The following AREL1 variants were observed in gnomAD, a reference collection of about 807,000 sequenced individuals.
AREL1 encodes apoptosis resistant E3 ubiquitin protein ligase 1.
AREL1 carries 62 observed loss-of-function variants against 99.0 expected under a neutral mutation model. That is an observed-to-expected ratio of 0.63 (90% confidence interval 0.51 to 0.77). AREL1 has a LOEUF of 0.77. Ranked by LOEUF, AREL1 falls within the 30% of genes least tolerant of loss-of-function variation. The pLI is 0.00. For missense variants in AREL1, 879 were observed against 1,027.6 expected, an observed-to-expected ratio of 0.86 and a Z score of 1.98; for synonymous variants, 380 against 376.5, an observed-to-expected ratio of 1.01 and a Z score of -0.11.
rs1033536294 is a variant in AREL1 at position 74,662,693 on chromosome 14, G to T, written c.*1027C>A. ...GACGCCAAGGACCTGTGATAAGCAC[G>T]TAAACTCCTAGTCCCTGTTCCTTTG... On this transcript the variant is annotated 3_prime_UTR_variant, in exon 20 of 20. Coordinates refer to ENST00000356357, the MANE Select transcript of AREL1 (RefSeq NM_001039479.2). 2.5e-6 allele frequency: 1 copy of T among 398,252 alleles called. No homozygotes were observed. Among genetic ancestry groups the T allele is most frequent in the African/African-American group, 2.1e-5 (1 of 48,582 alleles). The allele number at this position is 398,252 out of a possible 1,614,324, so 24.7% of individuals were successfully genotyped here. A position where few individuals can be genotyped will look rare whatever the true frequency, so the allele number is the denominator to read the frequency against.
intron 1 of AREL1, among the ~76,000 whole-genome samples, chr14:74,698,249 A>T (rs2090012216): frequency 6.6e-6 from 1 of 152,096 alleles, no homozygotes. Flanking sequence ...ATATACTCAC[A>T]TTTTAAATGA....
intron 15 of AREL1, 126 bp from the exon 16 acceptor site, chr14:74,667,720 C>T: frequency 7.9e-7 from 1 of 1,262,884 alleles, no homozygotes; most frequent in African/African-American, 1.5e-5. Flanking sequence ...CAAGTTTCTG[C>T]TGTGCATTCA....
At chr14:74,681,842 G>A (rs1309901462) in intron 5 of AREL1, among the ~76,000 whole-genome samples, 2 of 151,120 alleles carry the variant, frequency 1.3e-5, no homozygotes, top group East Asian at 3.9e-4. Context: ...GGCAACATAA[G>A]GGATCCTTGT....
Position 74,692,317 on chromosome 14 carries a change from C to T in AREL1, c.-322G>A, listed in dbSNP as rs760732861. 4.5e-5 allele frequency: 20 copies of T among 449,176 alleles called. No homozygotes were observed. Among genetic ancestry groups the T allele is most frequent in the Middle Eastern group, 3.3e-4 (1 of 3,076 alleles). 27.8% of individuals were successfully genotyped at this position (449,176 alleles called of 1,614,324 possible). On this transcript the variant is annotated 5_prime_UTR_variant, in exon 2 of 20. Transcript: ENST00000356357. ...CAGGGTGCAATCGACTGCCAAAGGA[C>T]GCCCCAGGATCCTGTCCAAAAAAGA...
intron 1 of AREL1, among the ~76,000 whole-genome samples, chr14:74,705,043 G>GT (rs58161849): frequency 0.1 from 14,476 of 143,854 alleles, 1,145 homozygotes; most frequent in East Asian, 0.48. Flanking sequence ...GTCTTCTGTT[G>GT]TTTTTTTTTT....
At chr14:74,687,525 A>C (rs2089774670) in intron 2 of AREL1, among the ~76,000 whole-genome samples, 1 of 152,236 alleles carries the variant, frequency 6.6e-6, no homozygotes, top group Non-Finnish European at 1.5e-5. Flanking sequence ...AAACAGCATA[A>C]CAAATAGCAT....
At chr14:74,679,645 G>A (rs899762358) in intron 5 of AREL1, among the ~76,000 whole-genome samples, 5 of 151,802 alleles carry the variant, frequency 3.3e-5, no homozygotes, top group Non-Finnish European at 7.4e-5. Context: ...TGTCTAACAG[G>A]GCAAAACCCC....
In AREL1 at chr14:74,662,838, G is replaced by A. The variant is rs1437515100; in HGVS notation, c.*882C>T. The A allele has an allele frequency of 2.7e-6, 1 of 374,840 alleles. No individual in the cohort carries two copies. The highest frequency in any genetic ancestry group is 3.8e-5 in the East Asian group (1 of 26,124). The allele number at this position is 374,840 out of a possible 1,614,324, so 23.2% of individuals were successfully genotyped here. A position where few individuals can be genotyped will look rare whatever the true frequency, so the allele number is the denominator to read the frequency against. Reference sequence around the variant, plus strand: ...TCAGTAGAATGCTAAAGGATCCCCAGCTTTTAGCAGACTACATAATGGGGA... The same window carrying A: ...TCAGTAGAATGCTAAAGGATCCCCAACTTTTAGCAGACTACATAATGGGGA... On this transcript the variant is annotated 3_prime_UTR_variant, in exon 20 of 20. Transcript: ENST00000356357.
chr14:74,678,114 A>T lies in AREL1; in HGVS notation c.482-1362T>A. On this transcript the variant is annotated intron_variant, in intron 5 of 19. Coordinates refer to ENST00000356357, the MANE Select transcript of AREL1 (RefSeq NM_001039479.2). The stretch of plus-strand genomic sequence containing the variant: ...TAAGATTATTCTAAAATTTAAATGG[A>T]AAGGCAAAGGAACTAGAATACTAAA... 7.1e-6 allele frequency: 3 copies of T among 424,206 alleles called. No individual in the cohort carries two copies. In the Admixed American group the frequency reaches 9.2e-5, roughly 13 times the overall value. 26.3% of individuals were successfully genotyped at this position (424,206 alleles called of 1,614,324 possible).
chr14:74,677,573 CTCGGCTCACTGCAACCTCTGCCTG>C lies in AREL1; in HGVS notation c.482-845_482-822del, dbSNP rs2089520027. ...CCAAGCTGGAATGCAGTGGCACGAT[CTCGGCTCACTGCAACCTCTGCCTG>C]TCGGGTTCAAGCGATTCTCCTGCCT... On this transcript the variant is annotated intron_variant, in intron 5 of 19. Coordinates refer to ENST00000356357, the MANE Select transcript of AREL1 (RefSeq NM_001039479.2). Among the ~76,000 whole-genome samples, 5 of 128,538 alleles carry C rather than the reference CTCGGCTCACTGCAACCTCTGCCTG, an allele frequency of 3.9e-5. No homozygotes were observed. The South Asian group carries it at 1.3e-3, about 34-fold the overall frequency. The allele number at this position is 128,538 out of a possible 152,430, so 84.3% of individuals were successfully genotyped here.
intron 1 of AREL1, among the ~76,000 whole-genome samples, chr14:74,711,005 G>A (rs1402266831): frequency 6.6e-6 from 1 of 152,142 alleles, no homozygotes; most frequent in African/African-American, 2.4e-5. Context: ...GCCAAGGTGG[G>A]CGGATCACCT....
intron 13 of AREL1, 89 bp from the exon 14 acceptor site, chr14:74,670,215 A>C: frequency 7.4e-7 from 1 of 1,350,230 alleles, no homozygotes; most frequent in Non-Finnish European, 1.0e-6. Context: ...CCCATGCCAA[A>C]GGAACAAGAT....
intron 13 of AREL1, 41 bp from the exon 14 acceptor site, chr14:74,670,167 T>C (rs372197341): frequency 2.0e-6 from 3 of 1,536,938 alleles, no homozygotes; most frequent in African/African-American, 1.4e-5. Flanking sequence ...GCCATTTTTC[T>C]TCAAGCCCAG....
At chr14:74,692,863 C>A (rs570637087) in intron 1 of AREL1, among the ~76,000 whole-genome samples, 1 of 152,196 alleles carries the variant, frequency 6.6e-6, no homozygotes, top group South Asian at 2.1e-4. Flanking sequence ...ACTACCACAC[C>A]TGGCTAATTT....
chr14:74,710,969 C>A (rs938703380), intron 1 of AREL1, among the ~76,000 whole-genome samples: 3 of 152,174 alleles, frequency 2.0e-5, no homozygotes, highest in African/African-American at 7.2e-5. Flanking sequence ...CGGTGGCTCA[C>A]GCCTGTAATC....
intron 14 of AREL1, 62 bp downstream of exon 14, chr14:74,669,885 A>C (rs2089292400): frequency 6.3e-7 from 1 of 1,581,538 alleles, no homozygotes; most frequent in Non-Finnish European, 8.6e-7. Context: ...CAAGCCCAGG[A>C]GGAGAGATTT....
At chr14:74,686,564 T>A (rs189116817) in intron 2 of AREL1, among the ~76,000 whole-genome samples, 1 of 152,372 alleles carries the variant, frequency 6.6e-6, no homozygotes, top group East Asian at 1.9e-4. Context: ...GCTGTCAATG[T>A]TATCTTGACC....
intron 1 of AREL1, among the ~76,000 whole-genome samples, chr14:74,698,243 A>G (rs2090012178): frequency 1.3e-5 from 2 of 152,040 alleles, no homozygotes; most frequent in Non-Finnish European, 2.9e-5. Context: ...CATACCATAT[A>G]CTCACATTTT....
At chr14:74,693,571 C>G (rs1053718336) in intron 1 of AREL1, among the ~76,000 whole-genome samples, 1 of 152,166 alleles carries the variant, frequency 6.6e-6, no homozygotes, top group Admixed American at 6.5e-5. Flanking sequence ...CACATAAACT[C>G]ACAGATACAA....
Sources: allele counts gnomAD v4.1 joint callset (sites outside exome capture counted in the v4.1 genomes callset), GRCh38; gene constraint gnomAD v4.1.1; transcripts MANE v1.5; gene names NCBI Gene and HGNC (gene_info 2026-07-23, HGNC 2026-07-21).